The following PPIP5K2 variants were observed in gnomAD, a reference collection of about 807,000 sequenced individuals.
PPIP5K2 encodes inositol hexakisphosphate and diphosphoinositol-pentakisphosphate kinase 2.
Under a neutral mutation model 154.6 loss-of-function variants are expected in PPIP5K2, and 105 were observed. The observed-to-expected ratio is 0.68, with a 90% CI of 0.58 to 0.80. The LOEUF (loss-of-function observed/expected upper bound fraction) is 0.80. PPIP5K2 is among the 30% of genes least tolerant of loss of function. The pLI is 0.00. For missense variants in PPIP5K2, 992 were observed against 1,504.6 expected, an observed-to-expected ratio of 0.66 and a Z score of 5.64; for synonymous variants, 480 against 490.3, an observed-to-expected ratio of 0.98 and a Z score of 0.28.
chr5:103,143,322 C>T (rs1338885902), intron 5 of PPIP5K2, among the ~76,000 whole-genome samples: 1 of 152,158 alleles, frequency 6.6e-6, no homozygotes, highest in Non-Finnish European at 1.5e-5. Context: ...TCCTGAGTAG[C>T]TGGGACTACA....
chr5:103,146,906 C>A (rs185167351), intron 6 of PPIP5K2, among the ~76,000 whole-genome samples: 179 of 151,998 alleles, frequency 1.2e-3, no homozygotes, highest in Non-Finnish European at 2.1e-3. Context: ...AGGAAAGATA[C>A]TTGACTTTTC....
At chr5:103,151,442 C>T (rs1463150124) in intron 9 of PPIP5K2, 68 bp downstream of exon 9, 5 of 1,278,584 alleles carry the variant, frequency 3.9e-6, no homozygotes, top group African/African-American at 3.0e-5. Context: ...TAACTGTTAA[C>T]ATTAAATGAT....
At chr5:103,166,636 T>G (rs1261035514) in intron 17 of PPIP5K2, among the ~76,000 whole-genome samples, 2 of 152,046 alleles carry the variant, frequency 1.3e-5, no homozygotes, top group East Asian at 3.9e-4. Context: ...ACTTTTATCT[T>G]TTAATTCAAT....
At chr5:103,201,489 A>G (rs782051347) in intron 30 of PPIP5K2, 33 bp from the exon 31 acceptor site, 10 of 1,291,080 alleles carry the variant, frequency 7.7e-6, no homozygotes, top group Non-Finnish European at 1.1e-5. Flanking sequence ...AATTTAAGCA[A>G]TAGTTTTTTT....
rs1554232621 is a variant in PPIP5K2, at chr5:103,212,265, C to T, written c.*10631C>T. The T allele has an allele frequency of 6.6e-6, 1 of 152,604 alleles. No homozygotes were observed. The highest frequency in any genetic ancestry group is 2.4e-5 in the African/African-American group (1 of 41,412). 9.5% of individuals were successfully genotyped at this position (152,604 alleles called of 1,614,324 possible). ...AAAAGAAATAAAATGCCAAAACATA[C>T]CATGAGGACACTTTCACAATCCAGG... is the stretch of plus-strand genomic sequence containing the variant. On this transcript the variant is annotated 3_prime_UTR_variant, in exon 31 of 31. Coordinates refer to ENST00000358359, the MANE Select transcript of PPIP5K2 (RefSeq NM_001276277.3).
chr5:103,177,447 C>T (rs1323803430), intron 21 of PPIP5K2, among the ~76,000 whole-genome samples: 2 of 151,904 alleles, frequency 1.3e-5, no homozygotes, highest in East Asian at 3.9e-4. Context: ...GTTAGGGATA[C>T]TCAAACTTGT....
At position 103,168,299 on chromosome 5, in the gene PPIP5K2, A is replaced by G; in HGVS notation, c.2286+4A>G. The G allele has an allele frequency of 6.4e-7, 1 of 1,565,436 alleles. No individual in the cohort carries two copies. ...AGCAGATATTGTTATCCCTCAGGTA[A>G]GTCATTCTTAAGAATCAATTTCTTA... On this transcript the variant is annotated splice_donor_region_variant and intron_variant, in intron 19 of 30. Transcript: ENST00000358359.
chr5:103,124,278 C>A (rs373320892), intron 1 of PPIP5K2, among the ~76,000 whole-genome samples: 210 of 126,736 alleles, frequency 1.7e-3, no homozygotes, highest in Non-Finnish European at 1.6e-3. Flanking sequence ...GACTCCATCT[C>A]AAAAAAAAAA....
rs1029241790 is a variant in PPIP5K2 at position 103,203,183 on chromosome 5, C to G, written c.*1549C>G. 2.6e-5 allele frequency: 4 copies of G among 151,900 alleles called. No homozygotes were observed. 9.4% of individuals were successfully genotyped at this position (151,900 alleles called of 1,614,324 possible). On this transcript the variant is annotated 3_prime_UTR_variant, in exon 31 of 31. Coordinates refer to ENST00000358359, the MANE Select transcript of PPIP5K2 (RefSeq NM_001276277.3). Reference sequence around the variant, plus strand: ...AAGCTACTTTTTTTTTAAAGTGGAACCTAATTAAAATATTTCCAGAATCAA... The same window carrying G: ...AAGCTACTTTTTTTTTAAAGTGGAAGCTAATTAAAATATTTCCAGAATCAA...
rs782726451 is a variant in PPIP5K2 at position 103,190,934 on chromosome 5, T to C, written c.3445T>C (p.Ser1149Pro). Reference protein sequence around the residue: ...SLKQVDEFLASIASPSSDVPR... With the variant: ...SLKQVDEFLAPIASPSSDVPR... ...AAAGCAAGTGGATGAATTTCTTGCTTCCATTGCTTCTCCATCATCTGACGT... is the reference window on the plus strand; with the variant it reads ...AAAGCAAGTGGATGAATTTCTTGCTCCCATTGCTTCTCCATCATCTGACGT... Residue 1149 changes from serine (S) to proline (P), a missense_variant, in exon 29 of 31, where the codon TCC (serine) becomes CCC (proline). This residue lies in a region of PPIP5K2 where 131 missense variants were observed against 117.8 expected (regional missense o/e 1.11). Transcript: ENST00000358359. 2.5e-6 allele frequency: 4 copies of C among 1,610,768 alleles called. No homozygotes were observed. The highest frequency in any genetic ancestry group is 3.4e-6 in the Non-Finnish European group (4 of 1,178,150).
chr5:103,122,840 G>A (rs928161847), intron 1 of PPIP5K2, among the ~76,000 whole-genome samples: 33 of 152,170 alleles, frequency 2.2e-4, no homozygotes, highest in African/African-American at 7.5e-4. Flanking sequence ...GTTCAGGTAA[G>A]GGGGATCTGA....
At chr5:103,177,796 T>A in intron 22 of PPIP5K2, 22 bp downstream of exon 22, 4 of 1,596,842 alleles carry the variant, frequency 2.5e-6, no homozygotes, top group Non-Finnish European at 3.4e-6. Flanking sequence ...TCTTGATTTG[T>A]GTTTTACCAG....
intron 29 of PPIP5K2, among the ~76,000 whole-genome samples, chr5:103,194,509 G>T (rs909304145): frequency 8.5e-5 from 13 of 152,134 alleles, no homozygotes; most frequent in African/African-American, 2.9e-4. Flanking sequence ...GTTCATGCCT[G>T]TAATTCCAGC....
chr5:103,153,960 C>T (rs1451893820), intron 11 of PPIP5K2, 26 bp downstream of exon 11: 1 of 1,477,098 alleles, frequency 6.8e-7, no homozygotes, highest in African/African-American at 1.4e-5. Context: ...AATAATTTAA[C>T]ATGCATGATA....
chr5:103,181,059 T>C (rs1037506093), intron 24 of PPIP5K2, among the ~76,000 whole-genome samples: 6 of 152,126 alleles, frequency 3.9e-5, no homozygotes, highest in Non-Finnish European at 8.8e-5. Context: ...TGCTCTCTAA[T>C]AGAAAAACAT....
At chr5:103,173,478 G>T (rs1257329849) in intron 20 of PPIP5K2, among the ~76,000 whole-genome samples, 196 bp downstream of exon 20, 3 of 152,080 alleles carry the variant, frequency 2.0e-5, no homozygotes, top group African/African-American at 7.2e-5. Context: ...TAAGGTGAGT[G>T]GGGAAAAGGG....
intron 1 of PPIP5K2, among the ~76,000 whole-genome samples, chr5:103,121,416 G>T (rs547635269): frequency 6.6e-6 from 1 of 152,244 alleles, no homozygotes; most frequent in South Asian, 2.1e-4. Context: ...GAACAGTCAA[G>T]CAACTTGCTC....
intron 30 of PPIP5K2, among the ~76,000 whole-genome samples, chr5:103,195,400 A>T (rs1801938010): frequency 6.6e-6 from 1 of 152,130 alleles, no homozygotes; most frequent in Non-Finnish European, 1.5e-5. Flanking sequence ...TATGAGGATT[A>T]CCTGAGCCCA....
At position 103,183,387 on chromosome 5, in the gene PPIP5K2, A is replaced by G; in HGVS notation, c.3076A>G (p.Ile1026Val). 6.2e-7 allele frequency: 1 copy of G among 1,610,040 alleles called. No homozygotes were observed. The highest frequency in any genetic ancestry group is 1.7e-5 in the Admixed American group (1 of 58,960). ...CAAATCATTGGCTTTCACATCCAGTATTTTTGGCTCATGGCAACAGGTTTT... is the reference window on the plus strand; with the variant it reads ...CAAATCATTGGCTTTCACATCCAGTGTTTTTGGCTCATGGCAACAGGTTTT... ...SPKSLAFTSSIFGSWQQVVSE... is the reference protein window; with the variant it reads ...SPKSLAFTSSVFGSWQQVVSE... The change falls in exon 25 of 31, where the codon ATT becomes GTT. Residue 1026 changes from isoleucine to valine, a missense_variant. By Grantham distance (29) the Ile-to-Val change is conservative. This residue lies in a region of PPIP5K2 where 204 missense variants were observed against 224.0 expected (regional missense o/e 0.91). Transcript: ENST00000358359.
Sources: allele counts gnomAD v4.1 joint callset (sites outside exome capture counted in the v4.1 genomes callset), GRCh38; gene constraint gnomAD v4.1.1; regional missense constraint gnomAD v4.1.1; transcripts MANE v1.5; gene names NCBI Gene and HGNC (gene_info 2026-07-23, HGNC 2026-07-21).